KCNH8: variants seen among roughly 807,000 people sequenced by gnomAD.
The protein encoded by KCNH8 is potassium voltage-gated channel subfamily H member 8.
A neutral mutation model predicts 103.6 loss-of-function variants in KCNH8; 70 were observed. That is an observed-to-expected ratio of 0.68 (90% confidence interval 0.56 to 0.82). The LOEUF is 0.82. Among genes scored for constraint, KCNH8 ranks in the 40% least tolerant of loss-of-function variants. The pLI, the probability that KCNH8 is intolerant of heterozygous loss-of-function variation, is 0.00. For synonymous variants in KCNH8, 498 were observed against 489.4 expected (o/e 1.02, Z -0.23); for missense variants, 1,217 against 1,329.9 (o/e 0.92, Z 1.32).
intron 1 of KCNH8, among the ~76,000 whole-genome samples, chr3:19,213,838 G>C (rs1189319486): frequency 6.6e-6 from 1 of 152,132 alleles, no homozygotes; most frequent in African/African-American, 2.4e-5. Context: ...TATTGGCCAT[G>C]TGGGTAGGAG....
intron 11 of KCNH8, among the ~76,000 whole-genome samples, chr3:19,503,246 T>C (rs1164162910): frequency 6.6e-6 from 1 of 151,784 alleles, no homozygotes; most frequent in Non-Finnish European, 1.5e-5. Context: ...TCACACCAGT[T>C]AGAATGGCAA....
At chr3:19,530,571 A>G (rs1433683453) in intron 15 of KCNH8, among the ~76,000 whole-genome samples, 6 of 152,196 alleles carry the variant, frequency 3.9e-5, no homozygotes, top group Non-Finnish European at 7.3e-5. Context: ...CCCTGAGGCA[A>G]ACTATTTTTG....
chr3:19,501,095 A>C (rs2068572614), intron 11 of KCNH8, among the ~76,000 whole-genome samples: 1 of 152,222 alleles, frequency 6.6e-6, no homozygotes, highest in Non-Finnish European at 1.5e-5. Flanking sequence ...TAAAGGGGAT[A>C]TCACCACCGA....
rs2068818624 is a variant in KCNH8, at chr3:19,513,289, C to T, written c.2399C>T (p.Thr800Ile). 1 of 1,611,404 alleles carries T rather than the reference C, an allele frequency of 6.2e-7. No individual in the cohort carries two copies. The highest frequency in any genetic ancestry group is 8.5e-7 in the Non-Finnish European group (1 of 1,179,000). ...AAGAACTTGAAATTGCAACTTTCAACTTTGAATAATGCTGGACCCCCAGAC... is the reference window on the plus strand; with the variant it reads ...AAGAACTTGAAATTGCAACTTTCAATTTTGAATAATGCTGGACCCCCAGAC... ...KEKNLKLQLS[T>I]LNNAGPPDLS... The change falls in exon 13 of 16, where the codon ACT becomes ATT. Residue 800 changes from threonine (T) to isoleucine (I), a missense_variant. Transcript: ENST00000328405.
intron 11 of KCNH8, among the ~76,000 whole-genome samples, chr3:19,482,931 C>A (rs923919807): frequency 1.3e-5 from 2 of 152,164 alleles, no homozygotes; most frequent in African/African-American, 4.8e-5. Context: ...CAGCTTGTAA[C>A]CGTATGATTT....
At chr3:19,526,484 T>A (rs2069066679) in intron 15 of KCNH8, among the ~76,000 whole-genome samples, 1 of 151,974 alleles carries the variant, frequency 6.6e-6, no homozygotes, top group Admixed American at 6.6e-5. Flanking sequence ...AAAGATAATT[T>A]TTCTCTGGTC....
At chr3:19,246,028 T>A (rs973811774) in intron 1 of KCNH8, among the ~76,000 whole-genome samples, 7 of 152,128 alleles carry the variant, frequency 4.6e-5, no homozygotes, top group African/African-American at 1.7e-4. Context: ...AAAGCTCATA[T>A]AGGTGGAAAA....
In KCNH8 at chr3:19,281,477, C is replaced by A. The variant is rs2064756371; in HGVS notation, c.442+148C>A. 1.2e-5 allele frequency: 8 copies of A among 645,744 alleles called. No individual in the cohort carries two copies. In the South Asian group the frequency reaches 1.6e-4, roughly 13 times the overall value. 40.0% of individuals were successfully genotyped at this position (645,744 alleles called of 1,614,324 possible). ...AGCAGTCAGCATTTGGTGCATATTC[C>A]AAATCACAGACTCACATGCATTTAC... is the stretch of plus-strand genomic sequence containing the variant. On this transcript the variant is annotated intron_variant, in intron 3 of 15. Transcript: ENST00000328405.
At chr3:19,451,064 CAGT>C (rs772490911) in intron 9 of KCNH8, 88 bp from the exon 10 acceptor site, 2 of 1,243,420 alleles carry the variant, frequency 1.6e-6, no homozygotes, top group Non-Finnish European at 2.3e-6. Flanking sequence ...CAGCAGGAGA[CAGT>C]AGGAAGAGCA....
intron 7 of KCNH8, among the ~76,000 whole-genome samples, chr3:19,403,751 G>A (rs948189444): frequency 1.6e-4 from 25 of 151,720 alleles, no homozygotes; most frequent in Admixed American, 1.4e-3. Flanking sequence ...TAACCACAGT[G>A]TCATCATATT....
chr3:19,298,081 A>G (rs1307487546), intron 3 of KCNH8, among the ~76,000 whole-genome samples: 1 of 152,204 alleles, frequency 6.6e-6, no homozygotes, highest in East Asian at 1.9e-4. Context: ...TGAGAATAAT[A>G]AATAATAGTG....
intron 2 of KCNH8, among the ~76,000 whole-genome samples, chr3:19,267,184 G>A (rs2064524430): frequency 6.6e-6 from 1 of 152,024 alleles, no homozygotes; most frequent in African/African-American, 2.4e-5. Context: ...AAGTGAGTGT[G>A]TCCCCTGAGC....
At chr3:19,391,580 A>G (rs2066438664) in intron 6 of KCNH8, 1 of 152,114 alleles carries the variant, frequency 6.6e-6, no homozygotes, top group South Asian at 2.1e-4. Context: ...AAATACAATT[A>G]TCATTAACTT....
intron 5 of KCNH8, among the ~76,000 whole-genome samples, chr3:19,376,471 C>A (rs182199548): frequency 6.6e-6 from 1 of 152,102 alleles, no homozygotes; most frequent in Non-Finnish European, 1.5e-5. Flanking sequence ...GCACGGTGCG[C>A]GCACCCACTG....
chr3:19,310,642 G>A (rs1354022950), intron 3 of KCNH8, among the ~76,000 whole-genome samples: 1 of 151,432 alleles, frequency 6.6e-6, no homozygotes, highest in Non-Finnish European at 1.5e-5. Flanking sequence ...ATAATCCTTA[G>A]ATTAACATTC....
In KCNH8 at chr3:19,456,962, C is replaced by T; in HGVS notation, c.2020C>T (p.Arg674Ter). 5.0e-6 allele frequency: 8 copies of T among 1,611,048 alleles called. No homozygotes were observed. Among genetic ancestry groups the T allele is most frequent in the Non-Finnish European group, 5.1e-6 (6 of 1,177,978 alleles). The change falls in exon 11 of 16, where the codon CGA becomes TGA. Residue 674 changes from arginine to a stop codon, truncating the protein, a stop_gained. Transcript: ENST00000328405. LOFTEE classifies it high-confidence loss of function. The stretch of plus-strand genomic sequence containing the variant: ...TCAGCATGACCTCACATACAACCTC[C>T]GAGAAGGTCATGAGAGTGATGTAAG... ...DIQHDLTYNLREGHESDVISR... is the reference protein window; with the variant it reads ...DIQHDLTYNL
At chr3:19,159,225 A>G (rs1246485542) in intron 1 of KCNH8, among the ~76,000 whole-genome samples, 2 of 151,860 alleles carry the variant, frequency 1.3e-5, no homozygotes, top group Non-Finnish European at 2.9e-5. Context: ...CATCCCTTCA[A>G]TAAAAGTTAC....
At chr3:19,469,967 C>A (rs2067822077) in intron 11 of KCNH8, among the ~76,000 whole-genome samples, 1 of 152,094 alleles carries the variant, frequency 6.6e-6, no homozygotes, top group Non-Finnish European at 1.5e-5. Flanking sequence ...TCCCTTGTAA[C>A]CCTGAAGTTC....
At chr3:19,255,005 T>C (rs2064328821) in intron 2 of KCNH8, among the ~76,000 whole-genome samples, 1 of 152,144 alleles carries the variant, frequency 6.6e-6, no homozygotes, top group African/African-American at 2.4e-5. Flanking sequence ...AATATGATTG[T>C]ATTTGGAGAT....
Sources: allele counts gnomAD v4.1 joint callset (sites outside exome capture counted in the v4.1 genomes callset), GRCh38; gene constraint gnomAD v4.1.1; transcripts MANE v1.5; gene names NCBI Gene and HGNC (gene_info 2026-07-23, HGNC 2026-07-21).